RNF169: variants seen among roughly 807,000 people sequenced by gnomAD.
RNF169 encodes ring finger protein 169.
A neutral mutation model predicts 53.9 loss-of-function variants in RNF169; 24 were observed. That is an observed-to-expected ratio of 0.45 (90% CI 0.32 to 0.63). The LOEUF is 0.63. RNF169 is among the 20% of genes least tolerant of loss of function. The pLI, the probability that RNF169 is intolerant of heterozygous loss-of-function variation, is 0.04. For missense variants in RNF169, 883 were observed against 906.2 expected (o/e 0.97, Z 0.33); for synonymous variants, 396 against 363.5 (o/e 1.09, Z -1.02).
chr11:74,774,003 G>A (rs1187201249), intron 1 of RNF169, among the ~76,000 whole-genome samples: 1 of 152,182 alleles, frequency 6.6e-6, no homozygotes, highest in Non-Finnish European at 1.5e-5. Context: ...CAGGTGCTAG[G>A]GATACAAAGA....
chr11:74,813,145 A>G (rs1227786965), intron 3 of RNF169, among the ~76,000 whole-genome samples: 1 of 151,866 alleles, frequency 6.6e-6, no homozygotes, highest in Non-Finnish European at 1.5e-5. Context: ...CCAAACCCCC[A>G]CTTTGTAACT....
intron 1 of RNF169, among the ~76,000 whole-genome samples, chr11:74,787,308 A>T (rs1313877703): frequency 6.6e-6 from 1 of 152,220 alleles, no homozygotes; most frequent in African/African-American, 2.4e-5. Flanking sequence ...AATTTTTCTT[A>T]ACAAATCAAG....
At chr11:74,826,245 G>T (rs1466335336) in intron 4 of RNF169, among the ~76,000 whole-genome samples, 1 of 152,192 alleles carries the variant, frequency 6.6e-6, no homozygotes, top group Admixed American at 6.5e-5. Flanking sequence ...AGAATCGCTT[G>T]AACCTGGGAG....
chr11:74,764,469 T>C (rs7128783), intron 1 of RNF169, among the ~76,000 whole-genome samples: 5,495 of 152,166 alleles, frequency 0.036, 91 homozygotes, highest in Middle Eastern at 0.044. Flanking sequence ...TGAGCCAAAA[T>C]CCTACCATTG....
chr11:74,771,700 T>C (rs1406702490), intron 1 of RNF169, among the ~76,000 whole-genome samples: 1 of 151,956 alleles, frequency 6.6e-6, no homozygotes, highest in African/African-American at 2.4e-5. Flanking sequence ...CAAGACTTTG[T>C]CTCCAAAAAA....
chr11:74,765,617 A>G (rs996214695), intron 1 of RNF169, among the ~76,000 whole-genome samples: 1 of 152,182 alleles, frequency 6.6e-6, no homozygotes, highest in African/African-American at 2.4e-5. Flanking sequence ...CCTGGCCAAC[A>G]TGGTGAAACC....
At chr11:74,808,194 A>G (rs546083650) in intron 2 of RNF169, 2 of 152,280 alleles carry the variant, frequency 1.3e-5, no homozygotes, top group South Asian at 4.1e-4. Context: ...ACTCTATTAA[A>G]AAATAAAATT....
chr11:74,779,582 A>C (rs2135336824), intron 1 of RNF169, among the ~76,000 whole-genome samples: 1 of 152,274 alleles, frequency 6.6e-6, no homozygotes, highest in Non-Finnish European at 1.5e-5. Context: ...AAAATAGTAG[A>C]TAAAATGGGA....
chr11:74,751,923 A>T lies in RNF169; in HGVS notation c.502+2541A>T, dbSNP rs950790903. On this transcript the variant is annotated intron_variant, in intron 1 of 5. Transcript: ENST00000299563. ...TTCACAGGATTCAAACAAAAATGTA[A>T]CAAAGTATACAATGAAAAGATTCCC... Among the ~76,000 whole-genome samples, 12 of 152,158 alleles carry T rather than the reference A, an allele frequency of 7.9e-5. No homozygotes were observed. In the East Asian group the frequency reaches 1.7e-3, roughly 22 times the overall value.
At chr11:74,791,405 G>C (rs1251050238) in intron 2 of RNF169, among the ~76,000 whole-genome samples, 2 of 152,356 alleles carry the variant, frequency 1.3e-5, no homozygotes, top group East Asian at 3.9e-4. Context: ...CCAGGAGCCT[G>C]TCTACTTCCT....
Position 74,836,916 on chromosome 11 carries a change from G to C in RNF169, c.*186G>C. On this transcript the variant is annotated 3_prime_UTR_variant, in exon 6 of 6. Transcript: ENST00000299563. ...GCATCTCCGTTTCTCTGTGACCCAG[G>C]CCAGAAGCCTGAGTGACCCATCCCT... The C allele has an allele frequency of 1.8e-6, 1 of 558,004 alleles. No homozygotes were observed. The highest frequency in any genetic ancestry group is 3.1e-6 in the Non-Finnish European group (1 of 322,102). 34.6% of individuals were successfully genotyped at this position (558,004 alleles called of 1,614,324 possible). A position where few individuals can be genotyped will look rare whatever the true frequency, so the allele number is the denominator to read the frequency against.
intron 4 of RNF169, among the ~76,000 whole-genome samples, chr11:74,823,731 T>G (rs1386331149): frequency 9.8e-5 from 10 of 102,118 alleles, no homozygotes; most frequent in South Asian, 3.9e-4. Context: ...AGTGAGACCC[T>G]GTCTCAGAAA....
chr11:74,798,792 T>G (rs1235812729), intron 2 of RNF169, among the ~76,000 whole-genome samples: 1 of 152,198 alleles, frequency 6.6e-6, no homozygotes, highest in Admixed American at 6.5e-5. Context: ...TCTGTCCCTT[T>G]ATTTCTCAAG....
In RNF169 at chr11:74,749,256, T is replaced by C; in HGVS notation, c.376T>C (p.Ser126Pro). The change falls in exon 1 of 6, where the codon TCA becomes CCA. Residue 126 changes from serine (S) to proline (P), a missense_variant. Physicochemically the swap from Ser to Pro is moderately conservative, Grantham distance 74. Coordinates refer to ENST00000299563, the MANE Select transcript of RNF169 (RefSeq NM_001098638.2). The part of the protein sequence containing the change: ...RRARDDGQAD[S>P]EVLGECARRS... Reference sequence around the variant, plus strand: ...GGCCCGCGACGACGGCCAGGCCGACTCAGAGGTGCTGGGCGAGTGCGCCCG... The same window carrying C: ...GGCCCGCGACGACGGCCAGGCCGACCCAGAGGTGCTGGGCGAGTGCGCCCG... The C allele has an allele frequency of 6.3e-6, 7 of 1,113,598 alleles. No individual in the cohort carries two copies. Among genetic ancestry groups the C allele is most frequent in the Non-Finnish European group, 7.7e-6 (7 of 914,134 alleles). The allele number at this position is 1,113,598 out of a possible 1,614,324, so 69.0% of individuals were successfully genotyped here.
rs747549447 is a variant in RNF169, at chr11:74,748,907, G to C, written c.27G>C (p.Arg9=). ...TGGCGGCTGCAGGTCCGAGTACTCG[G>C]GCCTCTTCCGCGGCGGCAGCAGCCG... MAAAGPST[R]ASSAAAAAAL... The change falls in exon 1 of 6, where the codon CGG becomes CGC. Residue 9 remains arginine (R), a synonymous_variant. Coordinates refer to ENST00000299563, the MANE Select transcript of RNF169 (RefSeq NM_001098638.2). The C allele has an allele frequency of 2.8e-6, 4 of 1,449,090 alleles. No homozygotes were observed. Among genetic ancestry groups the C allele is most frequent in the Non-Finnish European group, 3.7e-6 (4 of 1,090,772 alleles). 89.8% of individuals were successfully genotyped at this position (1,449,090 alleles called of 1,614,324 possible). A position where few individuals can be genotyped will look rare whatever the true frequency, so the allele number is the denominator to read the frequency against.
intron 1 of RNF169, among the ~76,000 whole-genome samples, chr11:74,765,666 G>A (rs2035162181): frequency 6.6e-6 from 1 of 152,044 alleles, no homozygotes; most frequent in African/African-American, 2.4e-5. Context: ...GCCAAGTGTG[G>A]TGGTGGGTGC....
At chr11:74,780,971 C>T (rs534265107) in intron 1 of RNF169, among the ~76,000 whole-genome samples, 1 of 152,316 alleles carries the variant, frequency 6.6e-6, no homozygotes, top group South Asian at 2.1e-4. Context: ...TGTATAGCCT[C>T]TTGCCCTCTC....
chr11:74,802,065 T>C (rs1440056303), intron 2 of RNF169, among the ~76,000 whole-genome samples: 1 of 152,240 alleles, frequency 6.6e-6, no homozygotes, highest in Non-Finnish European at 1.5e-5. Context: ...TGTATGGTTC[T>C]ACAGCGCTCC....
At chr11:74,826,772 T>TA (rs1032863313) in intron 4 of RNF169, among the ~76,000 whole-genome samples, 5 of 152,220 alleles carry the variant, frequency 3.3e-5, no homozygotes, top group African/African-American at 9.7e-5. Flanking sequence ...AGCTAAATCT[T>TA]AAAGTTCTGA....
Sources: gnomAD v4.1 joint callset for allele counts (sites outside exome capture counted in the v4.1 genomes callset) on GRCh38, gnomAD v4.1.1 for gene constraint, MANE v1.5 for transcripts, NCBI Gene and HGNC (gene_info 2026-07-23, HGNC 2026-07-21) for gene names.